CDC14A: variants seen among roughly 807,000 people sequenced by gnomAD.
The protein encoded by CDC14A is dual specificity protein phosphatase CDC14A.
In CDC14A, 53 loss-of-function variants were observed where a neutral mutation model predicts 74.4. The observed-to-expected ratio is 0.71, with a 90% confidence interval of 0.57 to 0.89. CDC14A has a LOEUF of 0.89. CDC14A is among the 40% of genes least tolerant of loss of function. CDC14A has a pLI of 0.00. For synonymous variants in CDC14A, 247 were observed against 258.4 expected, an observed-to-expected ratio of 0.96 and a Z score of 0.43; for missense variants, 646 against 713.7, an observed-to-expected ratio of 0.91 and a Z score of 1.08.
At chr1:100,467,285 C>T (rs1667931339) in intron 9 of CDC14A, among the ~76,000 whole-genome samples, 1 of 152,132 alleles carries the variant, frequency 6.6e-6, no homozygotes, top group Non-Finnish European at 1.5e-5. Context: ...TAAGAGAAGA[C>T]TACCTTTATT....
chr1:100,453,980 T>G (rs1402607578), intron 7 of CDC14A, among the ~76,000 whole-genome samples: 1 of 152,214 alleles, frequency 6.6e-6, no homozygotes, highest in Non-Finnish European at 1.5e-5. Context: ...TAAATGCAGT[T>G]CAGATGTTTA....
chr1:100,514,681 ATCTG>A (rs1285322669), intron 15 of CDC14A, among the ~76,000 whole-genome samples: 1 of 152,194 alleles, frequency 6.6e-6, no homozygotes, highest in Non-Finnish European at 1.5e-5. Context: ...CAGTTTCCTC[ATCTG>A]TAAAGTGGGT....
intron 1 of CDC14A, among the ~76,000 whole-genome samples, chr1:100,347,448 C>T (rs1650520876): frequency 6.6e-6 from 1 of 152,144 alleles, no homozygotes; most frequent in Admixed American, 6.5e-5. Context: ...CTGGTTTTTA[C>T]TTCTTTGATT....
chr1:100,352,365 C>T (rs964665758), upstream of CDC14A: 1 of 662,618 alleles, frequency 1.5e-6, no homozygotes, highest in Non-Finnish European at 1.9e-6. Flanking sequence ...AGGAGCGGGG[C>T]TGTCCCTTTA....
At chr1:100,377,643 A>C (rs774278888) in intron 3 of CDC14A, 22 bp downstream of exon 3, 8 of 1,552,568 alleles carry the variant, frequency 5.2e-6, no homozygotes, top group Admixed American at 5.1e-5. Context: ...AGTGATATTT[A>C]TAATTTGGAA....
At chr1:100,433,294 A>G (rs1038812228) in intron 5 of CDC14A, among the ~76,000 whole-genome samples, 1 of 152,202 alleles carries the variant, frequency 6.6e-6, no homozygotes, top group African/African-American at 2.4e-5. Context: ...AGCAACATCT[A>G]TAACATACTA....
At chr1:100,436,404 T>A (rs1262731673) in intron 5 of CDC14A, among the ~76,000 whole-genome samples, 1 of 152,078 alleles carries the variant, frequency 6.6e-6, no homozygotes, top group Non-Finnish European at 1.5e-5. Flanking sequence ...TACCTGGTAT[T>A]AATTGTGTTG....
intron 3 of CDC14A, among the ~76,000 whole-genome samples, chr1:100,380,062 A>G (rs370949823): frequency 1.3e-3 from 203 of 152,312 alleles, no homozygotes; most frequent in African/African-American, 4.7e-3. Flanking sequence ...AGCTTTGTAC[A>G]TTTTAAAGTC....
intron 7 of CDC14A, among the ~76,000 whole-genome samples, chr1:100,449,244 T>A (rs1441014851): frequency 6.6e-6 from 1 of 152,242 alleles, no homozygotes; most frequent in Non-Finnish European, 1.5e-5. Flanking sequence ...ATGCCTGGGA[T>A]TGAGTCTTTC....
intron 4 of CDC14A, among the ~76,000 whole-genome samples, chr1:100,417,381 T>C (rs1237727160): frequency 6.6e-6 from 1 of 152,214 alleles, no homozygotes; most frequent in East Asian, 1.9e-4. Flanking sequence ...CAGGTTCCTG[T>C]GCAAATTGTA....
chr1:100,427,268 T>G (rs1170926060), intron 5 of CDC14A, among the ~76,000 whole-genome samples: 3 of 152,202 alleles, frequency 2.0e-5, no homozygotes, highest in Non-Finnish European at 4.4e-5. Context: ...TGTAATTGTT[T>G]TATTATTTAA....
chr1:100,437,496 A>G (rs960540600), intron 5 of CDC14A, among the ~76,000 whole-genome samples: 2 of 152,194 alleles, frequency 1.3e-5, no homozygotes, highest in Admixed American at 6.5e-5. Context: ...CCTTCTCTCA[A>G]TCTGGAGGAT....
chr1:100,451,411 A>G (rs1474428453), intron 7 of CDC14A, among the ~76,000 whole-genome samples: 1 of 152,212 alleles, frequency 6.6e-6, no homozygotes, highest in Non-Finnish European at 1.5e-5. Context: ...TCTCCCTCAA[A>G]AGCAAGTCTA....
chr1:100,357,429 A>G (rs1652073775), intron 2 of CDC14A, among the ~76,000 whole-genome samples: 1 of 152,170 alleles, frequency 6.6e-6, no homozygotes. Context: ...AGAATGAGAG[A>G]GACTGCAAAG....
chr1:100,406,537 A>G (rs1289030883), intron 4 of CDC14A, among the ~76,000 whole-genome samples: 1 of 152,128 alleles, frequency 6.6e-6, no homozygotes, highest in African/African-American at 2.4e-5. Flanking sequence ...TATTTAATCC[A>G]TCATTAGTTG....
At chr1:100,429,991 T>C (rs375459012) in intron 5 of CDC14A, among the ~76,000 whole-genome samples, 2 of 151,966 alleles carry the variant, frequency 1.3e-5, no homozygotes, top group Non-Finnish European at 2.9e-5. Flanking sequence ...TCCTGTGTAG[T>C]TGGGATCACA....
At chr1:100,400,094 C>T (rs1047322010) in intron 4 of CDC14A, among the ~76,000 whole-genome samples, 5 of 152,064 alleles carry the variant, frequency 3.3e-5, no homozygotes, top group East Asian at 1.9e-4. Context: ...AACATTAAGC[C>T]GTCTGCTGAG....
At chr1:100,476,612 G>GTTT (rs11411592) in intron 10 of CDC14A, among the ~76,000 whole-genome samples, 1 of 148,390 alleles carries the variant, frequency 6.7e-6, no homozygotes, top group Admixed American at 6.7e-5. Context: ...TCAGAGTCTT[G>GTTT]TTTTTTTTTT....
chr1:100,392,815 G>T (rs1342845312), intron 4 of CDC14A, among the ~76,000 whole-genome samples: 1 of 152,078 alleles, frequency 6.6e-6, no homozygotes, highest in Admixed American at 6.5e-5. Context: ...AAAGCCTAAA[G>T]GTTTTTCTTT....
Sources: gnomAD v4.1 joint callset for allele counts (sites outside exome capture counted in the v4.1 genomes callset) on GRCh38, gnomAD v4.1.1 for gene constraint, MANE v1.5 for transcripts, NCBI Gene and HGNC (gene_info 2026-07-23, HGNC 2026-07-21) for gene names.